The following RARB variants were observed in gnomAD, a reference collection of about 807,000 sequenced individuals.
RARB encodes HBV-activated protein.
In RARB, 17 loss-of-function variants were observed where a neutral mutation model predicts 51.9. That is an observed-to-expected ratio of 0.33 (90% CI 0.22 to 0.49). RARB has a LOEUF of 0.49. RARB is among the 20% of genes least tolerant of loss of function. The pLI is 0.99. For missense variants in RARB, 369 were observed against 550.8 expected, an observed-to-expected ratio of 0.67 and a Z score of 3.30; for synonymous variants, 215 against 195.4, an observed-to-expected ratio of 1.10 and a Z score of -0.84.
In RARB at chr3:25,286,025, G is replaced by A. The variant is rs541613414; in HGVS notation, c.178+111450G>A. On this transcript the variant is annotated intron_variant, in intron 5 of 11. Coordinates refer to the RARB transcript ENST00000383772. Reference sequence around the variant, plus strand: ...TTTCCTTAAACCATTTGTGTCAGTCGGAGGCTGTTATCTAGCCACCCACCC... The same window carrying A: ...TTTCCTTAAACCATTTGTGTCAGTCAGAGGCTGTTATCTAGCCACCCACCC... 1.6e-4 allele frequency among the ~76,000 whole-genome samples: 24 copies of A among 151,038 alleles called. No homozygotes were observed. In the South Asian group the frequency reaches 3.8e-3, roughly 24 times the overall value.
At chr3:25,343,730 A>G (rs1365346374) in intron 5 of RARB, among the ~76,000 whole-genome samples, 3 of 152,176 alleles carry the variant, frequency 2.0e-5, no homozygotes, top group Non-Finnish European at 2.9e-5. Flanking sequence ...GTATTTAACT[A>G]TGTAACCCCA....
chr3:24,894,997 T>G (rs1298722338), intron 2 of RARB, among the ~76,000 whole-genome samples: 2 of 152,216 alleles, frequency 1.3e-5, no homozygotes, highest in African/African-American at 2.4e-5. Context: ...GCCAGGGAGA[T>G]GTACTTAATT....
At chr3:24,962,376 A>C (rs1696160170) in intron 2 of RARB, among the ~76,000 whole-genome samples, 1 of 152,074 alleles carries the variant, frequency 6.6e-6, no homozygotes. Flanking sequence ...TCCTCTACTC[A>C]CTAGATGCCA....
At chr3:25,215,693 G>T (rs1701818340) in intron 5 of RARB, among the ~76,000 whole-genome samples, 1 of 152,224 alleles carries the variant, frequency 6.6e-6, no homozygotes, top group African/African-American at 2.4e-5. Context: ...CTGGTAGCTT[G>T]CCCATCACAG....
rs1707728181 is a variant in RARB at position 25,417,209 on chromosome 3, A to AAAAAAAC, written c.179-43980_179-43979insAACAAAA. 2.0e-5 allele frequency among the ~76,000 whole-genome samples: 3 copies of AAAAAAAC among 151,846 alleles called. No homozygotes were observed. In the South Asian group the frequency reaches 6.3e-4, roughly 32 times the overall value. On this transcript the variant is annotated intron_variant, in intron 5 of 11. Transcript: ENST00000383772. The stretch of plus-strand genomic sequence containing the variant: ...ATCGAAAAACCAATTAAAAAAAAAA[A>AAAAAAAC]AAAACTGCTGCCTGTCTCTGAATCT...
intron 3 of RARB, among the ~76,000 whole-genome samples, chr3:25,089,967 T>C (rs564142880): frequency 6.6e-6 from 1 of 152,270 alleles, no homozygotes; most frequent in East Asian, 1.9e-4. Flanking sequence ...TCCCTTCACA[T>C]TGACCTGATG....
In RARB at chr3:24,899,102, A is replaced by G. The variant is rs556122874; in HGVS notation, c.-380+40350A>G. Among the ~76,000 whole-genome samples the G allele has an allele frequency of 2.0e-5, 3 of 152,286 alleles. No homozygotes were observed. The South Asian group carries it at 6.2e-4, about 32-fold the overall frequency. ...TCTCAGGCCCTGCCCCTGACCTTCC[A>G]TTGGGACCAGTGACTTAATTTTCGA... On this transcript the variant is annotated intron_variant, in intron 2 of 11. Coordinates refer to the RARB transcript ENST00000383772.
chr3:25,536,873 A>C (rs1699163321), intron 3 of RARB, among the ~76,000 whole-genome samples: 1 of 152,194 alleles, frequency 6.6e-6, no homozygotes, highest in African/African-American at 2.4e-5. Flanking sequence ...TAGGAAAAGA[A>C]AGTTGGGGAG....
chr3:25,394,767 C>G (rs1707070595), intron 5 of RARB, among the ~76,000 whole-genome samples: 1 of 152,128 alleles, frequency 6.6e-6, no homozygotes, highest in Non-Finnish European at 1.5e-5. Flanking sequence ...TTTTCCACCC[C>G]TTTACCTTAA....
At chr3:24,952,246 G>GTT (rs56108055) in intron 2 of RARB, among the ~76,000 whole-genome samples, 42,172 of 150,176 alleles carry the variant, frequency 0.28, 5,989 homozygotes, top group East Asian at 0.43. Flanking sequence ...AGTAACATTT[G>GTT]TTTTTTTTTA....
intron 5 of RARB, among the ~76,000 whole-genome samples, chr3:25,322,540 A>G (rs911945734): frequency 4.6e-5 from 7 of 152,344 alleles, no homozygotes; most frequent in Admixed American, 2.6e-4. Flanking sequence ...AATTTCTCCA[A>G]ATAGATCCCT....
chr3:25,296,843 C>T lies in RARB; in HGVS notation c.178+122268C>T, dbSNP rs547127753. ...ATATATTTAAGTGAGCCAGACATCT[C>T]ACTTGCATGCTATCCTAGCAGTGCT... On this transcript the variant is annotated intron_variant, in intron 5 of 11. Transcript: ENST00000383772. 3.3e-5 allele frequency among the ~76,000 whole-genome samples: 5 copies of T among 152,318 alleles called. No individual in the cohort carries two copies. In the East Asian group the frequency reaches 5.8e-4, roughly 18 times the overall value.
chr3:25,560,278 A>T (rs1700219717), intron 3 of RARB, among the ~76,000 whole-genome samples: 1 of 152,180 alleles, frequency 6.6e-6, no homozygotes, highest in African/African-American at 2.4e-5. Flanking sequence ...CATTTAAACT[A>T]ACTATGTGAT....
At position 25,356,526 on chromosome 3, in the gene RARB, T is replaced by C. The variant is rs539051450; in HGVS notation, c.179-104667T>C. ...GCTTAGATTTTTTCTTTCTTTTTTTTTATTATACTTTAAGTTCTGGGATAC... is the reference window on the plus strand; with the variant it reads ...GCTTAGATTTTTTCTTTCTTTTTTTCTATTATACTTTAAGTTCTGGGATAC... On this transcript the variant is annotated intron_variant, in intron 5 of 11. Transcript: ENST00000383772. Among the ~76,000 whole-genome samples the C allele has an allele frequency of 6.6e-5, 10 of 152,118 alleles. No homozygotes were observed. The South Asian group carries it at 2.1e-3, about 32-fold the overall frequency.
intron 4 of RARB, among the ~76,000 whole-genome samples, chr3:25,157,635 G>T (rs1006080272): frequency 6.6e-6 from 1 of 152,080 alleles, no homozygotes; most frequent in Admixed American, 6.5e-5. Flanking sequence ...GGCCTCAAGC[G>T]ATCTGCCTGC....
chr3:25,012,283 A>G (rs949673587), intron 2 of RARB, among the ~76,000 whole-genome samples: 31 of 152,234 alleles, frequency 2.0e-4, no homozygotes, highest in African/African-American at 6.7e-4. Context: ...TGATTTTTAA[A>G]GCAGTTTGTT....
chr3:25,056,422 G>A (rs560943892), intron 2 of RARB, among the ~76,000 whole-genome samples: 3 of 152,138 alleles, frequency 2.0e-5, no homozygotes, highest in Non-Finnish European at 4.4e-5. Flanking sequence ...CTATCAGTTT[G>A]CAACATTGAC....
intron 2 of RARB, among the ~76,000 whole-genome samples, chr3:24,965,161 A>C (rs1696228506): frequency 6.6e-6 from 1 of 152,122 alleles, no homozygotes; most frequent in Non-Finnish European, 1.5e-5. Flanking sequence ...ATCTCATGAC[A>C]TCATCATGTG....
chr3:25,499,285 CATT>C (rs1404932758), intron 2 of RARB, among the ~76,000 whole-genome samples: 3 of 141,058 alleles, frequency 2.1e-5, no homozygotes, highest in African/African-American at 9.6e-5. Flanking sequence ...CTGTTCAACA[CATT>C]TGATGATGTG....
Sources: allele counts gnomAD v4.1 joint callset (sites outside exome capture counted in the v4.1 genomes callset), GRCh38; gene constraint gnomAD v4.1.1; transcripts MANE v1.5; gene names NCBI Gene and HGNC (gene_info 2026-07-23, HGNC 2026-07-21).